MSRA: variants seen among roughly 807,000 people sequenced by gnomAD.
The protein encoded by MSRA is methionine sulfoxide reductase A, also known as mitochondrial peptide methionine sulfoxide reductase.
A neutral mutation model predicts 31.3 loss-of-function variants in MSRA; 54 were observed. The ratio of observed to expected loss-of-function variants is 1.73; its 90% CI spans 1.39 to 2.17. MSRA has a LOEUF of 2.17. Among genes scored for constraint, MSRA ranks in the 30% most tolerant of loss-of-function variants. The pLI, the probability that MSRA is intolerant of heterozygous loss-of-function variation, is 0.00. For missense variants in MSRA, 507 were observed against 300.9 expected (o/e 1.69, Z -5.07); for synonymous variants, 169 against 116.5 (o/e 1.45, Z -2.90).
chr8:10,187,139 T>G (rs1807124368), intron 1 of MSRA, among the ~76,000 whole-genome samples: 1 of 152,202 alleles, frequency 6.6e-6, no homozygotes, highest in Admixed American at 6.5e-5. Flanking sequence ...TTAGAATCTT[T>G]CCTCAGTGTG....
chr8:10,215,748 AT>A (rs755024614), intron 2 of MSRA, among the ~76,000 whole-genome samples: 2 of 152,064 alleles, frequency 1.3e-5, no homozygotes, highest in African/African-American at 2.4e-5. Flanking sequence ...AAAATACTAT[AT>A]TTCTCTTTTG....
At chr8:10,182,697 G>A (rs999782062) in intron 1 of MSRA, among the ~76,000 whole-genome samples, 1 of 152,192 alleles carries the variant, frequency 6.6e-6, no homozygotes, top group Non-Finnish European at 1.5e-5. Context: ...AAGAGCCATT[G>A]GGCTCAGGGC....
At chr8:10,252,090 C>A (rs764909062) in intron 3 of MSRA, among the ~76,000 whole-genome samples, 2 of 152,206 alleles carry the variant, frequency 1.3e-5, no homozygotes, top group Non-Finnish European at 2.9e-5. Context: ...GATGTCCTGA[C>A]TAATAACCTT....
intron 5 of MSRA, among the ~76,000 whole-genome samples, chr8:10,357,034 T>C (rs1431799271): frequency 6.6e-6 from 1 of 152,176 alleles, no homozygotes; most frequent in Non-Finnish European, 1.5e-5. Flanking sequence ...CTCTGTCTTT[T>C]GTATTTCCTG....
chr8:10,072,967 T>C (rs921296826), intron 1 of MSRA, among the ~76,000 whole-genome samples: 1 of 152,232 alleles, frequency 6.6e-6, no homozygotes, highest in Admixed American at 6.5e-5. Flanking sequence ...TCAACCTTGC[T>C]GAACTCACTT....
intron 5 of MSRA, among the ~76,000 whole-genome samples, chr8:10,342,652 G>A (rs1803501928): frequency 1.3e-5 from 2 of 152,318 alleles, no homozygotes; most frequent in Admixed American, 6.5e-5. Flanking sequence ...GGGTCTTAGG[G>A]AAGGCCTCCG....
chr8:10,215,593 A>G (rs1809920409), intron 2 of MSRA, among the ~76,000 whole-genome samples: 1 of 152,186 alleles, frequency 6.6e-6, no homozygotes, highest in Admixed American at 6.5e-5. Flanking sequence ...ATTTTGAAGG[A>G]TAACAGACAG....
At chr8:10,228,012 C>T (rs571653993) in intron 2 of MSRA, among the ~76,000 whole-genome samples, 6 of 152,266 alleles carry the variant, frequency 3.9e-5, no homozygotes, top group Middle Eastern at 3.4e-3. Flanking sequence ...GTCTTTGAAT[C>T]CCCCCTCCCC....
At chr8:10,133,624 G>A (rs1802058660) in intron 1 of MSRA, among the ~76,000 whole-genome samples, 1 of 152,132 alleles carries the variant, frequency 6.6e-6, no homozygotes, top group African/African-American at 2.4e-5. Context: ...CCACAGTGGG[G>A]AAAAAAGACC....
chr8:10,276,886 CT>C (rs1488736874), intron 3 of MSRA, among the ~76,000 whole-genome samples: 1 of 152,126 alleles, frequency 6.6e-6, no homozygotes, highest in East Asian at 1.9e-4. Flanking sequence ...AAGAAAGGAT[CT>C]TTTTTTCATC....
chr8:10,419,862 G>A (rs1323510610), intron 5 of MSRA, among the ~76,000 whole-genome samples: 1 of 152,160 alleles, frequency 6.6e-6, no homozygotes, highest in Non-Finnish European at 1.5e-5. Flanking sequence ...GCTGGGTTGG[G>A]CAGGAGAAAG....
chr8:10,234,998 G>A (rs373765491), intron 2 of MSRA, among the ~76,000 whole-genome samples: 2 of 152,046 alleles, frequency 1.3e-5, no homozygotes, highest in African/African-American at 4.8e-5. Flanking sequence ...GAATCTCTAA[G>A]AATCAGATGT....
intron 5 of MSRA, among the ~76,000 whole-genome samples, chr8:10,422,864 A>C (rs565519693): frequency 4.6e-5 from 7 of 152,320 alleles, no homozygotes; most frequent in African/African-American, 1.7e-4. Context: ...CAGTTACTTC[A>C]ACCAGGCAAG....
intron 1 of MSRA, among the ~76,000 whole-genome samples, chr8:10,162,562 G>A (rs992009300): frequency 6.6e-6 from 1 of 152,162 alleles, no homozygotes; most frequent in Admixed American, 6.5e-5. Flanking sequence ...GCGGCCGTCA[G>A]TGGGGGCTAC....
chr8:10,361,081 C>G (rs62490343), intron 5 of MSRA, among the ~76,000 whole-genome samples: 1 of 152,240 alleles, frequency 6.6e-6, no homozygotes. Context: ...TTTCCATGCC[C>G]TCTCAGGCTC....
chr8:10,076,516 A>G (rs1414262041), intron 1 of MSRA, among the ~76,000 whole-genome samples: 3 of 152,338 alleles, frequency 2.0e-5, no homozygotes, highest in Middle Eastern at 3.4e-3. Flanking sequence ...GATTCTCTCA[A>G]AATGACTCTT....
chr8:10,153,203 T>A (rs1407357481), intron 1 of MSRA, among the ~76,000 whole-genome samples: 1 of 152,188 alleles, frequency 6.6e-6, no homozygotes, highest in African/African-American at 2.4e-5. Context: ...TGAAGCTTAT[T>A]AAGGATAGAC....
At chr8:10,313,039 A>G (rs1801519682) in intron 4 of MSRA, among the ~76,000 whole-genome samples, 1 of 152,196 alleles carries the variant, frequency 6.6e-6, no homozygotes, top group African/African-American at 2.4e-5. Flanking sequence ...GAATACATGT[A>G]TGCTGATTGA....
At chr8:10,088,580 C>T (rs559917561) in intron 1 of MSRA, among the ~76,000 whole-genome samples, 3 of 152,078 alleles carry the variant, frequency 2.0e-5, no homozygotes, top group African/African-American at 4.8e-5. Context: ...ACTAAACATA[C>T]AAAAATTAGC....
Sources: allele counts gnomAD v4.1 joint callset (sites outside exome capture counted in the v4.1 genomes callset), GRCh38; gene constraint gnomAD v4.1.1; transcripts MANE v1.5; gene names NCBI Gene and HGNC (gene_info 2026-07-23, HGNC 2026-07-21).